ANK3: variants seen among roughly 807,000 people sequenced by gnomAD.
The protein encoded by ANK3 is ankyrin 3, also known as ankyrin-3.
In ANK3, 57 loss-of-function variants were observed where a neutral mutation model predicts 370.9. The observed-to-expected ratio is 0.15, with a 90% confidence interval of 0.12 to 0.19. The LOEUF is 0.19. Among genes scored for constraint, ANK3 ranks in the 10% least tolerant of loss-of-function variants. The pLI, the probability that ANK3 is intolerant of heterozygous loss-of-function variation, is 1.00. For synonymous variants in ANK3, 1,929 were observed against 1,946.3 expected (o/e 0.99, Z 0.23); for missense variants, 4,439 against 5,302.1 (o/e 0.84, Z 5.06).
chr10:60,593,358 A>T (rs569826467), intron 2 of ANK3, among the ~76,000 whole-genome samples: 7 of 152,304 alleles, frequency 4.6e-5, no homozygotes, highest in African/African-American at 1.7e-4. Flanking sequence ...TTATTACCTT[A>T]TGTAAAATGT....
In ANK3 at chr10:60,348,724, T is replaced by C. The variant is rs370212377; in HGVS notation, c.114+40701A>G. Among the ~76,000 whole-genome samples, 12 of 152,298 alleles carry C rather than the reference T, an allele frequency of 7.9e-5. No homozygotes were observed. The South Asian group carries it at 2.3e-3, about 29-fold the overall frequency. On this transcript the variant is annotated intron_variant, in intron 1 of 43. Coordinates refer to ENST00000280772, the MANE Select transcript of ANK3 (RefSeq NM_020987.5). ...TTACACTCATGATACATTATATTTC[T>C]ATTTTATAGAAGGGTACCTTTAAAA... is the stretch of plus-strand genomic sequence containing the variant.
At chr10:60,702,458 T>A (rs2079557659) in intron 1 of ANK3, among the ~76,000 whole-genome samples, 1 of 152,180 alleles carries the variant, frequency 6.6e-6, no homozygotes, top group South Asian at 2.1e-4. Flanking sequence ...ATTTTGAGAC[T>A]GTTGGGTATA....
At chr10:60,450,727 G>A (rs1315617085) in intron 2 of ANK3, among the ~76,000 whole-genome samples, 1 of 152,170 alleles carries the variant, frequency 6.6e-6, no homozygotes, top group Non-Finnish European at 1.5e-5. Context: ...AATGAAAATG[G>A]AATCAGGAAT....
chr10:60,529,188 G>C (rs545048574), intron 2 of ANK3, among the ~76,000 whole-genome samples: 1 of 152,148 alleles, frequency 6.6e-6, no homozygotes, highest in Non-Finnish European at 1.5e-5. Context: ...ATAAGGGTGA[G>C]AGAAAACATG....
intron 2 of ANK3, among the ~76,000 whole-genome samples, chr10:60,448,924 C>T (rs937624838): frequency 5.3e-5 from 8 of 152,218 alleles, no homozygotes; most frequent in Admixed American, 2.0e-4. Context: ...GGATGCCCGA[C>T]CTTTTCACAG....
At chr10:60,553,175 G>A (rs1037433148) in intron 2 of ANK3, among the ~76,000 whole-genome samples, 2 of 152,062 alleles carry the variant, frequency 1.3e-5, no homozygotes, top group Admixed American at 6.6e-5. Flanking sequence ...CCCTAATACG[G>A]GGAGGTGCTA....
chr10:60,108,549 CTTGACTTCT>C (rs1175812350), intron 27 of ANK3, among the ~76,000 whole-genome samples: 4 of 151,996 alleles, frequency 2.6e-5, no homozygotes, highest in Non-Finnish European at 4.4e-5. Context: ...AGAATGGTGC[CTTGACTTCT>C]ACAGGGACCA....
intron 2 of ANK3, among the ~76,000 whole-genome samples, chr10:60,557,170 G>C (rs1237503298): frequency 1.3e-5 from 2 of 152,284 alleles, no homozygotes; most frequent in South Asian, 2.1e-4. Context: ...CTGGAAACAG[G>C]TGTTGAAACA....
intron 2 of ANK3, among the ~76,000 whole-genome samples, chr10:60,420,687 C>A (rs965191414): frequency 6.6e-6 from 1 of 152,028 alleles, no homozygotes; most frequent in East Asian, 1.9e-4. Flanking sequence ...CCTAAATGAA[C>A]AGTGTTTACA....
intron 2 of ANK3, among the ~76,000 whole-genome samples, chr10:60,517,438 A>T (rs984826461): frequency 2.0e-5 from 3 of 152,098 alleles, no homozygotes; most frequent in Admixed American, 6.6e-5. Context: ...TGGCCATACC[A>T]TCCTGAACAT....
At chr10:60,324,766 A>C (rs1426763315) in intron 1 of ANK3, among the ~76,000 whole-genome samples, 1 of 152,154 alleles carries the variant, frequency 6.6e-6, no homozygotes, top group African/African-American at 2.4e-5. Flanking sequence ...GCGATTCACC[A>C]ACCAAGATTA....
At chr10:60,140,440 A>G in intron 23 of ANK3, 1 of 1,612,316 alleles carries the variant, frequency 6.2e-7, no homozygotes, top group Non-Finnish European at 8.5e-7. Context: ...TTTAGAATCA[A>G]CCTCCAAAAC....
intron 1 of ANK3, among the ~76,000 whole-genome samples, chr10:60,649,651 A>C (rs1423026428): frequency 1.3e-5 from 2 of 152,188 alleles, no homozygotes; most frequent in Non-Finnish European, 2.9e-5. Context: ...ACTACAATCT[A>C]CTGAGCCCTA....
chr10:60,572,561 A>G (rs1056046596), intron 2 of ANK3: 10 of 1,530,878 alleles, frequency 6.5e-6, no homozygotes, highest in African/African-American at 1.4e-5. Flanking sequence ...TATAAAAGAC[A>G]GATCACCGCC....
At chr10:60,587,182 AACTC>A (rs1366979291) in intron 2 of ANK3, among the ~76,000 whole-genome samples, 1 of 152,120 alleles carries the variant, frequency 6.6e-6, no homozygotes, top group Non-Finnish European at 1.5e-5. Flanking sequence ...ATCTTGTGAG[AACTC>A]ACTCACTCTC....
At chr10:60,342,846 A>T (rs1020753932) in intron 1 of ANK3, among the ~76,000 whole-genome samples, 3 of 152,226 alleles carry the variant, frequency 2.0e-5, no homozygotes, top group Non-Finnish European at 2.9e-5. Flanking sequence ...TCCATGACCC[A>T]GTACATTTGA....
intron 25 of ANK3, among the ~76,000 whole-genome samples, chr10:60,131,156 A>C (rs2094041660): frequency 6.6e-6 from 1 of 152,238 alleles, no homozygotes; most frequent in Non-Finnish European, 1.5e-5. Flanking sequence ...TATCAATGCT[A>C]AAATTATCAC....
chr10:60,577,018 T>C (rs999501962), intron 2 of ANK3, among the ~76,000 whole-genome samples: 39 of 152,246 alleles, frequency 2.6e-4, no homozygotes, highest in African/African-American at 8.4e-4. Flanking sequence ...ATGTATTTAC[T>C]TTCAATTTGA....
chr10:60,501,317 G>A (rs1424715441), intron 2 of ANK3, among the ~76,000 whole-genome samples: 3 of 152,192 alleles, frequency 2.0e-5, no homozygotes, highest in Admixed American at 6.6e-5. Context: ...CAGGGAACTC[G>A]CTTTCTTAAA....
Sources: allele counts gnomAD v4.1 joint callset (sites outside exome capture counted in the v4.1 genomes callset), GRCh38; gene constraint gnomAD v4.1.1; transcripts MANE v1.5; gene names NCBI Gene and HGNC (gene_info 2026-07-23, HGNC 2026-07-21).